The following NRXN1 variants were observed in gnomAD, a reference collection of about 807,000 sequenced individuals.
NRXN1 encodes the protein neurexin-1.
A neutral mutation model predicts 150.9 loss-of-function variants in NRXN1; 39 were observed. The ratio of observed to expected loss-of-function variants is 0.26; its 90% CI spans 0.20 to 0.34. NRXN1 has a LOEUF of 0.34. Among genes scored for constraint, NRXN1 ranks in the 10% least tolerant of loss-of-function variants. The probability of loss-of-function intolerance (pLI) is 1.00; values close to 1 mark genes in which losing one functional copy is unlikely to be tolerated. For missense variants in NRXN1, 1,815 were observed against 1,949.9 expected (o/e 0.93, Z 1.30); for synonymous variants, 924 against 757.0 (o/e 1.22, Z -3.62).
At chr2:49,943,184 A>G (rs968112976) in intron 22 of NRXN1, among the ~76,000 whole-genome samples, 4 of 152,172 alleles carry the variant, frequency 2.6e-5, no homozygotes, top group Admixed American at 6.5e-5. Context: ...CAAGACTCAA[A>G]TATTTCTCTA....
chr2:50,644,152 T>C (rs1573940198), intron 5 of NRXN1, among the ~76,000 whole-genome samples: 2 of 151,462 alleles, frequency 1.3e-5, no homozygotes, highest in South Asian at 2.1e-4. Flanking sequence ...AGGATCTTCA[T>C]GTGGAAAAAA....
At chr2:50,681,876 A>AAAG in intron 5 of NRXN1, among the ~76,000 whole-genome samples, 1 of 151,808 alleles carries the variant, frequency 6.6e-6, no homozygotes, top group Non-Finnish European at 1.5e-5. Flanking sequence ...ATAGTAATTA[A>AAAG]AATTGTGTTC....
At chr2:50,098,860 T>TGGG (rs1558874915) in intron 18 of NRXN1, among the ~76,000 whole-genome samples, 9 of 30,614 alleles carry the variant, frequency 2.9e-4, no homozygotes, top group African/African-American at 1.2e-3. Flanking sequence ...TTTTTTTTTT[T>TGGG]TTTTTTTTTT....
chr2:50,773,402 C>T (rs550855714), intron 5 of NRXN1, among the ~76,000 whole-genome samples: 2 of 152,140 alleles, frequency 1.3e-5, no homozygotes, highest in South Asian at 2.1e-4. Flanking sequence ...CACAAGCAAC[C>T]CTAGATTCCT....
At chr2:50,194,584 C>A (rs1448462198) in intron 18 of NRXN1, among the ~76,000 whole-genome samples, 1 of 152,080 alleles carries the variant, frequency 6.6e-6, no homozygotes, top group South Asian at 2.1e-4. Context: ...TGTGACAGTT[C>A]CCTTTGAAAG....
intron 17 of NRXN1, among the ~76,000 whole-genome samples, chr2:50,332,250 A>G (rs1004073458): frequency 6.6e-6 from 1 of 152,214 alleles, no homozygotes; most frequent in African/African-American, 2.4e-5. Context: ...CAGACTGAAC[A>G]TATTATTGCT....
At chr2:50,192,327 A>G (rs1209303138) in intron 18 of NRXN1, among the ~76,000 whole-genome samples, 2 of 152,122 alleles carry the variant, frequency 1.3e-5, no homozygotes, top group Non-Finnish European at 2.9e-5. Flanking sequence ...TTGATTAGAG[A>G]CTATAATGTA....
intron 5 of NRXN1, among the ~76,000 whole-genome samples, chr2:50,920,427 A>T (rs1367125614): frequency 6.6e-6 from 1 of 151,780 alleles, no homozygotes; most frequent in Non-Finnish European, 1.5e-5. Flanking sequence ...TTATTTTAAG[A>T]GTTACTTTTT....
chr2:50,649,241 TATACACAC>T (rs1263805263), intron 5 of NRXN1, among the ~76,000 whole-genome samples: 1 of 132,282 alleles, frequency 7.6e-6, no homozygotes, highest in African/African-American at 3.0e-5. Flanking sequence ...TACAAGCATG[TATACACAC>T]ATACACACAT....
chr2:50,010,684 G>A (rs1685507892), intron 21 of NRXN1, among the ~76,000 whole-genome samples: 2 of 151,998 alleles, frequency 1.3e-5, no homozygotes, highest in Admixed American at 6.6e-5. Flanking sequence ...CTTGTTTTTG[G>A]TTACACAGCC....
intron 21 of NRXN1, among the ~76,000 whole-genome samples, chr2:50,040,469 T>C (rs1230704754): frequency 6.6e-6 from 1 of 151,746 alleles, no homozygotes; most frequent in Non-Finnish European, 1.5e-5. Context: ...ATATCCAGGA[T>C]TGTATAAGTA....
chr2:50,695,686 G>A (rs1574134171), intron 5 of NRXN1, among the ~76,000 whole-genome samples: 2 of 152,094 alleles, frequency 1.3e-5, no homozygotes, highest in Non-Finnish European at 2.9e-5. Context: ...TCTAGAACAC[G>A]GTAATAAATG....
chr2:50,222,974 A>T (rs1372090337), intron 18 of NRXN1, among the ~76,000 whole-genome samples: 1 of 151,924 alleles, frequency 6.6e-6, no homozygotes, highest in East Asian at 1.9e-4. Flanking sequence ...TAAATTTTTC[A>T]ATACAAATTT....
At chr2:50,991,072 G>C (rs1698472707) in intron 2 of NRXN1, among the ~76,000 whole-genome samples, 1 of 151,984 alleles carries the variant, frequency 6.6e-6, no homozygotes, top group African/African-American at 2.4e-5. Context: ...CTAGGAACTA[G>C]GAATACAGTA....
intron 2 of NRXN1, among the ~76,000 whole-genome samples, chr2:50,978,565 C>T (rs897903010): frequency 6.6e-5 from 10 of 151,414 alleles, no homozygotes; most frequent in East Asian, 1.9e-4. Flanking sequence ...AATAAATATC[C>T]GATTACTATA....
At chr2:50,654,925 T>C (rs1329321859) in intron 5 of NRXN1, among the ~76,000 whole-genome samples, 2 of 151,930 alleles carry the variant, frequency 1.3e-5, no homozygotes, top group Non-Finnish European at 2.9e-5. Flanking sequence ...AAAATTATTA[T>C]CCATTTCACA....
chr2:50,247,120 G>T (rs1302057621), intron 17 of NRXN1, among the ~76,000 whole-genome samples: 5 of 151,998 alleles, frequency 3.3e-5, no homozygotes, highest in Non-Finnish European at 7.4e-5. Flanking sequence ...AGCTATATAA[G>T]AAATTGGAAT....
intron 17 of NRXN1, among the ~76,000 whole-genome samples, chr2:50,400,677 G>T (rs2082334870): frequency 6.6e-6 from 1 of 152,102 alleles, no homozygotes; most frequent in Non-Finnish European, 1.5e-5. Context: ...GGACAAGTAA[G>T]GTTCTGCTCA....
chr2:50,806,237 G>T (rs970837352), intron 5 of NRXN1, among the ~76,000 whole-genome samples: 3 of 152,074 alleles, frequency 2.0e-5, no homozygotes, highest in African/African-American at 7.2e-5. Context: ...CACTATTGGA[G>T]GAAAACATTC....
Sources: allele counts gnomAD v4.1 joint callset (sites outside exome capture counted in the v4.1 genomes callset), GRCh38; gene constraint gnomAD v4.1.1; transcripts MANE v1.5; gene names NCBI Gene and HGNC (gene_info 2026-07-23, HGNC 2026-07-21).